The following NAV2 variants were observed in gnomAD, a reference collection of about 807,000 sequenced individuals.
The protein encoded by NAV2 is helicase, APC down-regulated 1.
Under a neutral mutation model 223.2 loss-of-function variants are expected in NAV2, and 54 were observed. The observed-to-expected ratio is 0.24, with a 90% confidence interval of 0.19 to 0.30. NAV2 has a LOEUF of 0.30. NAV2 is among the 10% of genes least tolerant of loss of function. The pLI is 1.00. For missense variants in NAV2, 2,806 were observed against 3,147.5 expected, an observed-to-expected ratio of 0.89 and a Z score of 2.60; for synonymous variants, 1,279 against 1,239.3, an observed-to-expected ratio of 1.03 and a Z score of -0.67.
At chr11:19,381,324 C>A (rs1312647965) in intron 1 of NAV2, among the ~76,000 whole-genome samples, 2 of 152,172 alleles carry the variant, frequency 1.3e-5, no homozygotes, top group Admixed American at 6.5e-5. Context: ...TGGACCCTAG[C>A]ACAGTCACTG....
At chr11:19,948,653 G>T in intron 9 of NAV2, 38 bp from the exon 10 acceptor site, 1 of 1,517,870 alleles carries the variant, frequency 6.6e-7, no homozygotes. Flanking sequence ...AAGGATACTA[G>T]GTACCTTTGA....
At chr11:19,487,417 C>A (rs767754546) in intron 1 of NAV2, among the ~76,000 whole-genome samples, 12 of 152,194 alleles carry the variant, frequency 7.9e-5, no homozygotes, top group Non-Finnish European at 1.3e-4. Context: ...GTAATCCTCT[C>A]CCCTATTGAC....
chr11:19,584,587 C>A (rs975390546), intron 1 of NAV2, among the ~76,000 whole-genome samples: 5 of 152,128 alleles, frequency 3.3e-5, no homozygotes, highest in Non-Finnish European at 7.3e-5. Context: ...TGTCTTTGTT[C>A]TCATTGGTTT....
chr11:20,048,314 G>C (rs2057663022), intron 14 of NAV2, among the ~76,000 whole-genome samples: 1 of 152,210 alleles, frequency 6.6e-6, no homozygotes, highest in African/African-American at 2.4e-5. Context: ...GTCATAAACT[G>C]TGTGCCTGCT....
intron 1 of NAV2, among the ~76,000 whole-genome samples, chr11:19,664,183 A>G (rs2048355366): frequency 6.6e-6 from 1 of 152,270 alleles, no homozygotes; most frequent in South Asian, 2.1e-4. Flanking sequence ...CTTGATAGAT[A>G]GGCCTTAGAC....
chr11:19,530,438 G>C (rs967356823), intron 1 of NAV2, among the ~76,000 whole-genome samples: 7 of 152,244 alleles, frequency 4.6e-5, no homozygotes, highest in Non-Finnish European at 8.8e-5. Context: ...ATGCACACCA[G>C]AAGGGCTCAC....
intron 1 of NAV2, among the ~76,000 whole-genome samples, chr11:19,591,887 C>T (rs185433369): frequency 1.2e-4 from 18 of 152,192 alleles, no homozygotes; most frequent in Admixed American, 3.9e-4. Flanking sequence ...TTGTTGTGGA[C>T]GCTGTCATAA....
chr11:19,618,056 G>A lies in NAV2; in HGVS notation c.76-214428G>A, dbSNP rs181753487. Among the ~76,000 whole-genome samples, 23 of 152,232 alleles carry A rather than the reference G, an allele frequency of 1.5e-4. No individual in the cohort carries two copies. In the East Asian group the frequency reaches 2.3e-3, roughly 15 times the overall value. ...TAGTCATCATCTTCTCACATACTCC[G>A]TAATTTACTTACCTACTGTTTGTTG... is the stretch of plus-strand genomic sequence containing the variant. On this transcript the variant is annotated intron_variant, in intron 1 of 37. Coordinates refer to the NAV2 transcript ENST00000360655.
At chr11:19,367,968 T>C (rs1156937655) in intron 1 of NAV2, among the ~76,000 whole-genome samples, 1 of 152,216 alleles carries the variant, frequency 6.6e-6, no homozygotes, top group African/African-American at 2.4e-5. Flanking sequence ...AATCACAAAC[T>C]GACTGTCTAC....
At chr11:19,596,604 C>T (rs1195110777) in intron 1 of NAV2, among the ~76,000 whole-genome samples, 1 of 152,216 alleles carries the variant, frequency 6.6e-6, no homozygotes, top group African/African-American at 2.4e-5. Context: ...CCCCGGACAC[C>T]AGGGCAGTGG....
chr11:19,540,018 A>G (rs2044297711), intron 1 of NAV2, among the ~76,000 whole-genome samples: 1 of 152,200 alleles, frequency 6.6e-6, no homozygotes, highest in South Asian at 2.1e-4. Context: ...ACTGGAGACA[A>G]TAGGCTGACT....
chr11:19,454,113 G>C (rs1356897149), intron 1 of NAV2, among the ~76,000 whole-genome samples: 1 of 152,178 alleles, frequency 6.6e-6, no homozygotes, highest in African/African-American at 2.4e-5. Flanking sequence ...CCCCGTCCCT[G>C]GAGGCATTGT....
intron 34 of NAV2, 198 bp from the exon 35 acceptor site, chr11:20,105,333 A>C: frequency 2.1e-6 from 1 of 480,412 alleles, no homozygotes; most frequent in Non-Finnish European, 3.6e-6. Flanking sequence ...TGGAGATAAT[A>C]TCTATGTTAG....
chr11:19,717,381 G>A (rs2050390838), intron 1 of NAV2, among the ~76,000 whole-genome samples: 1 of 152,224 alleles, frequency 6.6e-6, no homozygotes, highest in Non-Finnish European at 1.5e-5. Flanking sequence ...GGTATCCAAG[G>A]TGCTCAAAGG....
intron 6 of NAV2, among the ~76,000 whole-genome samples, chr11:19,929,788 C>T (rs1425994214): frequency 6.6e-6 from 1 of 152,164 alleles, no homozygotes; most frequent in African/African-American, 2.4e-5. Context: ...CTTTATGCTC[C>T]AGCAGGCTTT....
chr11:19,964,492 C>CATTTTTTT lies in NAV2; in HGVS notation c.2645+15412_2645+15413insATTTTTTT, dbSNP rs60424234. Among the ~76,000 whole-genome samples, 76 of 146,656 alleles carry CATTTTTTT rather than the reference C, an allele frequency of 5.2e-4. 1 individual carries two copies. The highest frequency in any genetic ancestry group is 1.8e-3 in the African/African-American group (71 of 39,500). ...TATATACATTATCTCTTTTCATCCT[C>CATTTTTTT]TTTTTTTTTTTTTTTATGAGACAGG... On this transcript the variant is annotated intron_variant, in intron 10 of 37. Transcript: ENST00000349880.
chr11:19,374,516 A>T (rs1201711614), intron 1 of NAV2, among the ~76,000 whole-genome samples: 1 of 152,178 alleles, frequency 6.6e-6, no homozygotes, highest in African/African-American at 2.4e-5. Flanking sequence ...TCACTCACAT[A>T]CTTTAGCAGA....
At chr11:20,048,079 C>T (rs1192403289) in intron 14 of NAV2, among the ~76,000 whole-genome samples, 1 of 152,188 alleles carries the variant, frequency 6.6e-6, no homozygotes, top group Non-Finnish European at 1.5e-5. Flanking sequence ...AGTTCCCACC[C>T]AGTGTGTCTG....
At chr11:19,875,090 G>C (rs556834757) in intron 4 of NAV2, among the ~76,000 whole-genome samples, 2 of 152,322 alleles carry the variant, frequency 1.3e-5, no homozygotes, top group African/African-American at 4.8e-5. Flanking sequence ...CCAGGAGGCA[G>C]AGGTTGCAGT....
Sources: gnomAD v4.1 joint callset for allele counts (sites outside exome capture counted in the v4.1 genomes callset) on GRCh38, gnomAD v4.1.1 for gene constraint, MANE v1.5 for transcripts, NCBI Gene and HGNC (gene_info 2026-07-23, HGNC 2026-07-21) for gene names.